The following LPCAT2 variants were observed in gnomAD, a reference collection of about 807,000 sequenced individuals.
LPCAT2 encodes the protein 1-AGP acyltransferase 11.
LPCAT2 carries 58 observed loss-of-function variants against 64.7 expected under a neutral mutation model. The observed-to-expected ratio is 0.90, with a 90% CI of 0.73 to 1.12. The LOEUF is 1.12. Ranked by LOEUF, LPCAT2 falls within the 50% of genes most tolerant of loss-of-function variation. The pLI, the probability that LPCAT2 is intolerant of heterozygous loss-of-function variation, is 0.00. For missense variants in LPCAT2, 579 were observed against 669.8 expected (o/e 0.86, Z 1.50); for synonymous variants, 252 against 245.3 (o/e 1.03, Z -0.26).
At chr16:55,519,737 TA>T (rs1283416461) in intron 1 of LPCAT2, among the ~76,000 whole-genome samples, 1 of 152,172 alleles carries the variant, frequency 6.6e-6, no homozygotes, top group Non-Finnish European at 1.5e-5. Context: ...TACATATATG[TA>T]GGGGTAAAAC....
chr16:55,546,507 A>G (rs1336634831), intron 9 of LPCAT2, among the ~76,000 whole-genome samples: 1 of 152,226 alleles, frequency 6.6e-6, no homozygotes, highest in Non-Finnish European at 1.5e-5. Context: ...TTATTGTCTT[A>G]GTAAAAATTC....
chr16:55,552,226 C>G (rs1322871435), intron 11 of LPCAT2, among the ~76,000 whole-genome samples: 1 of 152,036 alleles, frequency 6.6e-6, no homozygotes, highest in Non-Finnish European at 1.5e-5. Flanking sequence ...GCTTCTTTCA[C>G]CAAGTATAAT....
intron 11 of LPCAT2, among the ~76,000 whole-genome samples, chr16:55,571,428 G>A (rs1039615689): frequency 6.6e-6 from 1 of 152,090 alleles, no homozygotes; most frequent in Non-Finnish European, 1.5e-5. Flanking sequence ...CTGACTTCCA[G>A]GAAAGGGATG....
intron 8 of LPCAT2, chr16:55,538,694 A>G (rs1375565196): frequency 1.3e-5 from 2 of 150,432 alleles, no homozygotes; most frequent in African/African-American, 4.9e-5. Flanking sequence ...AAAAAAAAAA[A>G]AAAAAAAAAG....
rs373135310 is a variant in LPCAT2, at chr16:55,581,781, T to C, written c.1451-1133T>C. On this transcript the variant is annotated intron_variant, in intron 13 of 13. Coordinates refer to ENST00000262134, the MANE Select transcript of LPCAT2 (RefSeq NM_017839.5). Reference sequence around the variant, plus strand: ...CACCCAAAAGAAGAGAATAGAAGGATTTCAAAATAGAAGACAGAATAATAT... The same window carrying C: ...CACCCAAAAGAAGAGAATAGAAGGACTTCAAAATAGAAGACAGAATAATAT... Among the ~76,000 whole-genome samples, 17 of 152,284 alleles carry C rather than the reference T, an allele frequency of 1.1e-4. No homozygotes were observed. In the East Asian group the frequency reaches 2.9e-3, roughly 26 times the overall value.
chr16:55,546,122 G>C (rs1963451220), intron 9 of LPCAT2, among the ~76,000 whole-genome samples: 1 of 152,106 alleles, frequency 6.6e-6, no homozygotes, highest in Non-Finnish European at 1.5e-5. Flanking sequence ...GCCACTGTCA[G>C]ATGAGCCTTG....
At chr16:55,546,400 C>T (rs1243652806) in intron 9 of LPCAT2, among the ~76,000 whole-genome samples, 1 of 152,130 alleles carries the variant, frequency 6.6e-6, no homozygotes, top group African/African-American at 2.4e-5. Context: ...ATACCACCAC[C>T]CAGGTAGCCT....
intron 11 of LPCAT2, chr16:55,566,573 G>A: frequency 1.6e-6 from 1 of 612,686 alleles, no homozygotes; most frequent in Non-Finnish European, 2.8e-6. Context: ...TATGGCAGGT[G>A]CTAGGACCTC....
rs1412437365 is a variant in LPCAT2 at position 55,568,676 on chromosome 16, GCTTTGAAGTAGGGCCA to G, written c.1216-5953_1216-5938del. On this transcript the variant is annotated intron_variant, in intron 11 of 13. Transcript: ENST00000262134. ...TCAGCCAAGGTTGACAGCCTTGATT[GCTTTGAAGTAGGGCCA>G]CCTCACAGTATTTTTCAAGCCTGTC... Among the ~76,000 whole-genome samples the G allele has an allele frequency of 2.6e-5, 4 of 152,088 alleles. 1 individual carries two copies. Among genetic ancestry groups the G allele is most frequent in the Admixed American group, 2.6e-4 (4 of 15,274 alleles).
intron 1 of LPCAT2, among the ~76,000 whole-genome samples, chr16:55,521,870 A>C (rs1963100822): frequency 6.6e-6 from 1 of 151,718 alleles, no homozygotes; most frequent in Admixed American, 6.6e-5. Context: ...CAGGGCATCT[A>C]CAAAACACCC....
chr16:55,540,427 G>C (rs971284266), intron 8 of LPCAT2: 2 of 152,086 alleles, frequency 1.3e-5, no homozygotes, highest in African/African-American at 4.8e-5. Flanking sequence ...ATAAGGATAT[G>C]GCTTAGGGCA....
Position 55,532,872 on chromosome 16 carries a change from C to A in LPCAT2, c.752C>A (p.Pro251Gln). The change falls in exon 6 of 14, where the codon CCA becomes CAA. Residue 251 changes from proline to glutamine, a missense_variant. By Grantham distance (76) the Pro-to-Gln change is moderately conservative. Transcript: ENST00000262134. The stretch of plus-strand genomic sequence containing the variant: ...GTGCAGCCAGTCCTCCTCAGATACC[C>A]AAACAAGCTGGTAAGCACAGTATTT... ...VPVQPVLLRY[P>Q]NKLDTVTWTW... 6.2e-7 allele frequency: 1 copy of A among 1,611,726 alleles called. No individual in the cohort carries two copies. Among genetic ancestry groups the A allele is most frequent in the South Asian group, 1.1e-5 (1 of 91,010 alleles).
intron 10 of LPCAT2, 146 bp downstream of exon 10, chr16:55,549,548 A>C: frequency 4.0e-6 from 3 of 750,130 alleles, no homozygotes; most frequent in Non-Finnish European, 6.0e-6. Context: ...AATTTATCTC[A>C]CATTTTATTC....
chr16:55,540,228 A>G (rs1234664394), intron 8 of LPCAT2: 1 of 152,220 alleles, frequency 6.6e-6, no homozygotes, highest in Admixed American at 6.5e-5. Context: ...TCTTAAAAAT[A>G]TAGTTAGTTC....
Position 55,567,259 on chromosome 16 carries a change from C to T in LPCAT2, c.1216-7372C>T, listed in dbSNP as rs760375463. 9.9e-6 allele frequency: 16 copies of T among 1,613,534 alleles called. No individual in the cohort carries two copies. The South Asian group carries it at 1.5e-4, about 16-fold the overall frequency. On this transcript the variant is annotated intron_variant, in intron 11 of 13. Coordinates refer to ENST00000262134, the MANE Select transcript of LPCAT2 (RefSeq NM_017839.5). The stretch of plus-strand genomic sequence containing the variant: ...CAGTATGACAGGGACCATTCTGGGT[C>T]TCTGGGAAGTTCTCAGCTGCGGGGA...
chr16:55,545,146 T>C (rs1315742180), intron 8 of LPCAT2, among the ~76,000 whole-genome samples: 1 of 151,806 alleles, frequency 6.6e-6, no homozygotes, highest in Non-Finnish European at 1.5e-5. Flanking sequence ...GAACATCAAG[T>C]GGAGAAAAAG....
At chr16:55,549,464 G>A in intron 10 of LPCAT2, 62 bp downstream of exon 10, 1 of 1,434,642 alleles carries the variant, frequency 7.0e-7, no homozygotes. Flanking sequence ...CTGAAATCCT[G>A]TTTATTTTCT....
At chr16:55,549,015 A>G (rs1408528057) in intron 9 of LPCAT2, among the ~76,000 whole-genome samples, 1 of 152,190 alleles carries the variant, frequency 6.6e-6, no homozygotes, top group Non-Finnish European at 1.5e-5. Flanking sequence ...TATTATTATT[A>G]TTATAGTTAA....
intron 11 of LPCAT2, among the ~76,000 whole-genome samples, chr16:55,557,551 G>A (rs1254648416): frequency 3.3e-5 from 5 of 152,182 alleles, no homozygotes; most frequent in African/African-American, 9.6e-5. Flanking sequence ...ACAATGGGAG[G>A]AAGGATGGGA....
Sources: allele counts gnomAD v4.1 joint callset (sites outside exome capture counted in the v4.1 genomes callset), GRCh38; gene constraint gnomAD v4.1.1; transcripts MANE v1.5; gene names NCBI Gene and HGNC (gene_info 2026-07-23, HGNC 2026-07-21).